The following DSG2 variants were observed in gnomAD, a reference collection of about 807,000 sequenced individuals.
DSG2 encodes the protein desmoglein 2, also known as desmoglein-2.
Under a neutral mutation model 75.6 loss-of-function variants are expected in DSG2, and 45 were observed. The observed-to-expected ratio is 0.60, with a 90% CI of 0.47 to 0.76. DSG2 has a LOEUF of 0.76. Ranked by LOEUF, DSG2 falls within the 30% of genes least tolerant of loss-of-function variation. DSG2 has a pLI of 0.00. For missense variants in DSG2, 1,267 were observed against 1,357.4 expected, an observed-to-expected ratio of 0.93 and a Z score of 1.05; for synonymous variants, 429 against 483.9, an observed-to-expected ratio of 0.89 and a Z score of 1.49.
intron 1 of DSG2, among the ~76,000 whole-genome samples, chr18:31,515,578 A>G (rs1250115966): frequency 2.0e-5 from 3 of 152,208 alleles, no homozygotes; most frequent in African/African-American, 2.4e-5. Context: ...TTGAAAATAC[A>G]TAAATTTGGG....
intron 8 of DSG2, among the ~76,000 whole-genome samples, chr18:31,528,724 A>C (rs1362057493): frequency 6.6e-6 from 1 of 152,008 alleles, no homozygotes; most frequent in Admixed American, 6.6e-5. Context: ...AAAAAAAAAA[A>C]AAAATTTGCT....
chr18:31,504,362 T>C (rs986625951), intron 1 of DSG2, among the ~76,000 whole-genome samples: 2 of 152,232 alleles, frequency 1.3e-5, no homozygotes, highest in African/African-American at 2.4e-5. Flanking sequence ...CCAGTCTCCT[T>C]AGACCCCAAA....
chr18:31,510,491 A>C (rs1210746593), intron 1 of DSG2, among the ~76,000 whole-genome samples: 1 of 152,156 alleles, frequency 6.6e-6, no homozygotes, highest in Non-Finnish European at 1.5e-5. Context: ...AAACTCATCA[A>C]GGTGACTTCA....
intron 9 of DSG2, among the ~76,000 whole-genome samples, chr18:31,531,633 A>G (rs1394069098): frequency 1.3e-5 from 2 of 152,264 alleles, no homozygotes; most frequent in African/African-American, 2.4e-5. Context: ...TTTACTTTAT[A>G]CAAGTTACAT....
chr18:31,521,980 C>A, intron 5 of DSG2, 103 bp from the exon 6 acceptor site: 2 of 1,040,922 alleles, frequency 1.9e-6, no homozygotes, highest in Non-Finnish European at 2.9e-6. Context: ...TTTTGATAAG[C>A]ACCTGAAATC....
chr18:31,547,106 C>G lies in DSG2; in HGVS notation c.*363C>G, dbSNP rs2073318255. 1 of 370,806 alleles carries G rather than the reference C, an allele frequency of 2.7e-6. No individual in the cohort carries two copies. The highest frequency in any genetic ancestry group is 5.2e-6 in the Non-Finnish European group (1 of 194,068). 23.0% of individuals were successfully genotyped at this position (370,806 alleles called of 1,614,324 possible). On this transcript the variant is annotated 3_prime_UTR_variant, in exon 15 of 15. Transcript: ENST00000261590. ...CCGTCCAGTAAAGCAACCCAGGAAA[C>G]TGACTGGGTCTCTTTGCCTACCGTA...
At chr18:31,543,944 A>G (rs1209388205) in intron 14 of DSG2, among the ~76,000 whole-genome samples, 1 of 152,046 alleles carries the variant, frequency 6.6e-6, no homozygotes, top group Non-Finnish European at 1.5e-5. Context: ...ATAATGAGGG[A>G]TAGTTCATAA....
Position 31,546,034 on chromosome 18 carries a change from C to T in DSG2, c.2648C>T (p.Ser883Phe), listed in dbSNP as rs371498622. Residue 883 changes from serine to phenylalanine, a missense_variant, in exon 15 of 15, where the codon TCC becomes TTC. Transcript: ENST00000261590. ...QTMVNSENTY[S>F]SGSSFPVPKS... is the part of the protein sequence containing the mutation. ...ATGGTTAATTCAGAGAATACCTACT[C>T]CTCTGGCAGTAGCTTCCCAGTTCCA... 120 of 1,614,026 alleles carry T rather than the reference C, an allele frequency of 7.4e-5. No homozygotes were observed. Among genetic ancestry groups the T allele is most frequent in the Non-Finnish European group, 1.0e-4 (118 of 1,180,044 alleles).
chr18:31,498,690 C>G (rs557283825), intron 1 of DSG2, among the ~76,000 whole-genome samples: 49 of 152,272 alleles, frequency 3.2e-4, no homozygotes, highest in African/African-American at 9.9e-4. Context: ...CCTCGCGCTT[C>G]TTCCACGTTC....
intron 10 of DSG2, 130 bp from the exon 11 acceptor site, chr18:31,536,072 C>A: frequency 1.2e-6 from 1 of 818,314 alleles, no homozygotes. Flanking sequence ...AAATTTGAAA[C>A]ATATCTAGGA....
Sources: allele counts gnomAD v4.1 joint callset (sites outside exome capture counted in the v4.1 genomes callset), GRCh38; gene constraint gnomAD v4.1.1; transcripts MANE v1.5; gene names NCBI Gene and HGNC (gene_info 2026-07-23, HGNC 2026-07-21).